The following ACBD5 variants were observed in gnomAD, a reference collection of about 807,000 sequenced individuals.
ACBD5 encodes the protein acyl-CoA-binding domain-containing protein 5.
Under a neutral mutation model 71.8 loss-of-function variants are expected in ACBD5, and 40 were observed. The ratio of observed to expected loss-of-function variants is 0.56; its 90% CI spans 0.43 to 0.72. The LOEUF (loss-of-function observed/expected upper bound fraction) is 0.72, where lower values mean the gene tolerates loss of function less well. ACBD5 is among the 30% of genes least tolerant of loss of function. The pLI, the probability that ACBD5 is intolerant of heterozygous loss-of-function variation, is 0.00. For synonymous variants in ACBD5, 229 were observed against 218.6 expected, an observed-to-expected ratio of 1.05 and a Z score of -0.42; for missense variants, 559 against 644.5, an observed-to-expected ratio of 0.87 and a Z score of 1.44.
rs2059391539 is a variant in ACBD5, at chr10:27,196,423, G to C, written c.*1007C>G. 1 of 454,298 alleles carries C rather than the reference G, an allele frequency of 2.2e-6. No individual in the cohort carries two copies. Among genetic ancestry groups the C allele is most frequent in the South Asian group, 1.6e-5 (1 of 64,474 alleles). 28.1% of individuals were successfully genotyped at this position (454,298 alleles called of 1,614,324 possible). ...ATGGAAGCATTTGGCCCGTTAGCTT[G>C]CAAATCCCTCCAGTACTCCTGTGAA... On this transcript the variant is annotated 3_prime_UTR_variant, in exon 13 of 13. Transcript: ENST00000396271.
chr10:27,196,631 C>G lies in ACBD5; in HGVS notation c.*799G>C. 2.2e-6 allele frequency: 1 copy of G among 454,430 alleles called. No homozygotes were observed. The allele number at this position is 454,430 out of a possible 1,614,324, so 28.1% of individuals were successfully genotyped here. On this transcript the variant is annotated 3_prime_UTR_variant, in exon 13 of 13. Transcript: ENST00000396271. Reference sequence around the variant, plus strand: ...TTCAAAGCACCCTATGAAGCAGACACTAGATATCCTCAGTTAAACAAAAAT... The same window carrying G: ...TTCAAAGCACCCTATGAAGCAGACAGTAGATATCCTCAGTTAAACAAAAAT...
At chr10:27,228,271 C>CAAAA (rs201431372) in intron 4 of ACBD5, among the ~76,000 whole-genome samples, 70,295 of 139,976 alleles carry the variant, frequency 0.5, 20,168 homozygotes, top group Non-Finnish European at 0.66. Flanking sequence ...TAAATTTGTA[C>CAAAA]AAAAAAAAAA....
At chr10:27,186,556 G>A in intron 13 of ACBD5, 1 of 1,597,288 alleles carries the variant, frequency 6.3e-7, no homozygotes, top group South Asian at 1.1e-5. Flanking sequence ...TTTCCTTTTA[G>A]TCTAGCCTTG....
chr10:27,237,557 C>G (rs1291182437), intron 2 of ACBD5, among the ~76,000 whole-genome samples: 4 of 151,568 alleles, frequency 2.6e-5, no homozygotes, highest in Non-Finnish European at 5.9e-5. Flanking sequence ...TTAATATCAA[C>G]TTAGTTTCAG....
At chr10:27,186,706 T>A (rs932508454) in intron 13 of ACBD5, 13 of 649,616 alleles carry the variant, frequency 2.0e-5, no homozygotes, top group Non-Finnish European at 3.5e-5. Flanking sequence ...GAAAGGAATA[T>A]AGTCAGTAAT....
At chr10:27,201,348 T>C (rs1207724439) in intron 12 of ACBD5, among the ~76,000 whole-genome samples, 1 of 152,216 alleles carries the variant, frequency 6.6e-6, no homozygotes, top group Non-Finnish European at 1.5e-5. Flanking sequence ...CTGCAGGTAT[T>C]GTTCTTCCTA....
At chr10:27,222,316 T>C (rs2062452369) in intron 5 of ACBD5, among the ~76,000 whole-genome samples, 1 of 152,032 alleles carries the variant, frequency 6.6e-6, no homozygotes, top group Non-Finnish European at 1.5e-5. Context: ...ATCAAATGTT[T>C]AGTTAATACC....
chr10:27,240,879 A>G (rs1200937558), upstream of ACBD5: 1 of 826,772 alleles, frequency 1.2e-6, no homozygotes, highest in Non-Finnish European at 1.9e-6. This position sits in a 1 kb window ranked among gnomAD's most constrained non-coding sequence, Gnocchi z 4.1. Context: ...GCAGCAGTGC[A>G]GCAAACCCCA....
At chr10:27,225,077 C>CT (rs369118936) in intron 4 of ACBD5, among the ~76,000 whole-genome samples, 93,922 of 136,338 alleles carry the variant, frequency 0.69, 32,478 homozygotes, top group Non-Finnish European at 0.71. Flanking sequence ...CGCTCTCTTT[C>CT]TTTTTTTTTT....
intron 2 of ACBD5, among the ~76,000 whole-genome samples, chr10:27,238,904 A>G (rs1256003997): frequency 6.6e-6 from 1 of 152,194 alleles, no homozygotes; most frequent in Non-Finnish European, 1.5e-5. Flanking sequence ...TACTTTCTAA[A>G]TATGTTTATT....
intron 13 of ACBD5, chr10:27,186,341 A>C: frequency 5.1e-6 from 8 of 1,555,156 alleles, no homozygotes; most frequent in Non-Finnish European, 7.1e-6. Flanking sequence ...TTACTTAGGT[A>C]ATGATATCAT....
In ACBD5 at chr10:27,195,289, A is replaced by G. The variant is rs1007747689; in HGVS notation, c.*2141T>C. ...AAGAAGTTATCATTAAAAAAATACC[A>G]TAGCTGTCAAGTTTAAATGAGGTTC... On this transcript the variant is annotated 3_prime_UTR_variant, in exon 13 of 13. Transcript: ENST00000396271. 4.1e-5 allele frequency: 18 copies of G among 438,972 alleles called. No individual in the cohort carries two copies. The highest frequency in any genetic ancestry group is 7.2e-5 in the Non-Finnish European group (16 of 222,872). 27.2% of individuals were successfully genotyped at this position (438,972 alleles called of 1,614,324 possible).
chr10:27,231,360 T>C (rs2063832633), intron 4 of ACBD5, among the ~76,000 whole-genome samples: 1 of 152,046 alleles, frequency 6.6e-6, no homozygotes, highest in Non-Finnish European at 1.5e-5. Flanking sequence ...CTGCTAAAAA[T>C]ACAAAAATTA....
intron 4 of ACBD5, among the ~76,000 whole-genome samples, chr10:27,228,462 A>G (rs2063368230): frequency 6.6e-6 from 1 of 151,854 alleles, no homozygotes; most frequent in Non-Finnish European, 1.5e-5. Context: ...CTGTAATCCC[A>G]GCTACTCGGG....
rs1370683265 is a variant in ACBD5 at position 27,208,425 on chromosome 10, T to A, written c.1225A>T (p.Ser409Cys). 6.2e-7 allele frequency: 1 copy of A among 1,613,968 alleles called. No individual in the cohort carries two copies. Among genetic ancestry groups the A allele is most frequent in the Admixed American group, 1.7e-5 (1 of 60,012 alleles). ...RGRGHRMQHL[S>C]EGTKGRQVGS... ...ACCTGCCGGCCCTTGGTTCCTTCGC[T>A]CAAGTGTTGCATCCTATGTCCTATT... is the stretch of plus-strand genomic sequence containing the variant. Residue 409 changes from serine (S) to cysteine (C), a missense_variant, in exon 10 of 13, where the codon AGC (serine) becomes TGC (cysteine). Ser to Cys is a moderately radical substitution (Grantham distance 112, BLOSUM62 -1). Transcript: ENST00000396271.
upstream of ACBD5, chr10:27,240,824 C>T: frequency 1.5e-6 from 2 of 1,341,364 alleles, no homozygotes; most frequent in Non-Finnish European, 1.0e-6. This position sits in a 1 kb window ranked among gnomAD's most constrained non-coding sequence, Gnocchi z 4.1. Flanking sequence ...CCCACAGCCC[C>T]GCCCCAGAGT....
intron 4 of ACBD5, among the ~76,000 whole-genome samples, chr10:27,231,433 C>A (rs1278677188): frequency 6.6e-6 from 1 of 152,144 alleles, no homozygotes; most frequent in Non-Finnish European, 1.5e-5. Flanking sequence ...AGGAGAATTG[C>A]TTGAATTTGG....
chr10:27,199,390 A>C (rs2059688231), intron 12 of ACBD5, among the ~76,000 whole-genome samples: 1 of 152,042 alleles, frequency 6.6e-6, no homozygotes, highest in Non-Finnish European at 1.5e-5. Flanking sequence ...TAGAGTGAAC[A>C]TAAATCACTG....
intron 12 of ACBD5, among the ~76,000 whole-genome samples, chr10:27,203,259 T>G (rs2060123259): frequency 6.6e-6 from 1 of 152,126 alleles, no homozygotes; most frequent in African/African-American, 2.4e-5. Flanking sequence ...GTCCCGGGAT[T>G]ATAGACATGA....
Sources: gnomAD v4.1 joint callset for allele counts (sites outside exome capture counted in the v4.1 genomes callset) on GRCh38, gnomAD v4.1.1 for gene constraint, Gnocchi (gnomAD v3.1) non-coding constraint, MANE v1.5 for transcripts, NCBI Gene and HGNC (gene_info 2026-07-23, HGNC 2026-07-21) for gene names.